The following KHDRBS2 variants were observed in gnomAD, a reference collection of about 807,000 sequenced individuals.
KHDRBS2 encodes KH RNA binding domain containing, signal transduction associated 2, also known as KH domain-containing, RNA-binding, signal transduction-associated protein 2.
KHDRBS2 carries 26 observed loss-of-function variants against 44.3 expected under a neutral mutation model. That is an observed-to-expected ratio of 0.59 (90% CI 0.43 to 0.81). The LOEUF is 0.81. Among genes scored for constraint, KHDRBS2 ranks in the 40% least tolerant of loss-of-function variants. The probability of loss-of-function intolerance (pLI) is 0.00; values close to 1 mark genes in which losing one functional copy is unlikely to be tolerated. For missense variants in KHDRBS2, 476 were observed against 433.1 expected (o/e 1.10, Z -0.88); for synonymous variants, 194 against 151.1 (o/e 1.28, Z -2.08).
intron 1 of KHDRBS2, among the ~76,000 whole-genome samples, chr6:62,240,662 ATGTG>A (rs200082850): frequency 1.1e-5 from 1 of 87,976 alleles, no homozygotes; most frequent in African/African-American, 4.0e-5. Flanking sequence ...GTGTGTATGT[ATGTG>A]TGTGTGTATA....
At chr6:62,085,472 G>GA (rs756985003) in intron 2 of KHDRBS2, among the ~76,000 whole-genome samples, 2 of 151,444 alleles carry the variant, frequency 1.3e-5, no homozygotes, top group African/African-American at 2.4e-5. Context: ...GTGAGTTTCA[G>GA]AAAAAAAAGG....
intron 4 of KHDRBS2, among the ~76,000 whole-genome samples, chr6:61,945,098 AAAAAAAAAAAAAAAGTATATAT>A (rs1812940701): frequency 2.2e-5 from 1 of 45,796 alleles, no homozygotes; most frequent in East Asian, 5.9e-4. Context: ...CTTAAAAAAA[AAAAAAAAAAAAAAAGTATATAT>A]ATATATATAT....
intron 6 of KHDRBS2, among the ~76,000 whole-genome samples, chr6:61,878,414 G>T (rs933800707): frequency 5.3e-5 from 8 of 152,074 alleles, no homozygotes; most frequent in African/African-American, 1.7e-4. Context: ...CAGGTAGATT[G>T]ACCAAGTGGT....
chr6:61,863,259 G>GTT (rs61624926), intron 6 of KHDRBS2, among the ~76,000 whole-genome samples: 2,656 of 134,564 alleles, frequency 0.02, 34 homozygotes, highest in Non-Finnish European at 0.027. Flanking sequence ...TTTTGAAGGG[G>GTT]TTTTTTTTTT....
At chr6:61,864,002 A>G (rs904584687) in intron 6 of KHDRBS2, among the ~76,000 whole-genome samples, 8 of 152,164 alleles carry the variant, frequency 5.3e-5, no homozygotes, top group African/African-American at 1.9e-4. Context: ...TAAGATAGTT[A>G]GGTTTTTTTG....
At chr6:62,128,424 C>G (rs576539676) in intron 2 of KHDRBS2, among the ~76,000 whole-genome samples, 1 of 152,032 alleles carries the variant, frequency 6.6e-6, no homozygotes. Flanking sequence ...ATCATGTAAG[C>G]TTTTTCTCTT....
At position 62,174,011 on chromosome 6, in the gene KHDRBS2, C is replaced by A. The variant is rs115218895; in HGVS notation, c.219+3174G>T. On this transcript the variant is annotated intron_variant, in intron 2 of 8. Transcript: ENST00000281156. ...TTCAAAACCAGAACAGACAGTGACA[C>A]CCTCTCTCACTACTCATATTCAACA... Among the ~76,000 whole-genome samples the A allele has an allele frequency of 4.6e-3, 701 of 151,348 alleles. 7 individuals are homozygous for A. Among genetic ancestry groups the A allele is most frequent in the African/African-American group, 0.016 (666 of 41,028 alleles).
intron 6 of KHDRBS2, among the ~76,000 whole-genome samples, chr6:61,757,156 G>A (rs1778609501): frequency 6.6e-6 from 1 of 152,060 alleles, no homozygotes; most frequent in African/African-American, 2.4e-5. Context: ...GCTTGGTGAA[G>A]TGTTCTATAA....
the KHDRBS2 span, among the ~76,000 whole-genome samples, chr6:61,664,100 C>A: frequency 6.6e-6 from 1 of 151,760 alleles, no homozygotes; most frequent in African/African-American, 2.4e-5. Flanking sequence ...CTTTGTATTT[C>A]AATTGTTTTC....
At chr6:61,973,051 T>C (rs1202541532) in intron 4 of KHDRBS2, among the ~76,000 whole-genome samples, 1 of 152,062 alleles carries the variant, frequency 6.6e-6, no homozygotes, top group Non-Finnish European at 1.5e-5. Flanking sequence ...GGAGAATCAC[T>C]TGAACCTGGG....
At chr6:62,282,996 T>C (rs2150198020) in intron 1 of KHDRBS2, among the ~76,000 whole-genome samples, 1 of 152,248 alleles carries the variant, frequency 6.6e-6, no homozygotes, top group African/African-American at 2.4e-5. Flanking sequence ...GCAGAAAAGA[T>C]ATAAATAAAC....
At chr6:61,544,297 A>C in the KHDRBS2 span, among the ~76,000 whole-genome samples, 1 of 152,120 alleles carries the variant, frequency 6.6e-6, no homozygotes, top group Non-Finnish European at 1.5e-5. Context: ...CAAATTAACT[A>C]GTAGCTTCAA....
At chr6:62,062,489 C>A (rs1384295207) in intron 2 of KHDRBS2, among the ~76,000 whole-genome samples, 1 of 151,966 alleles carries the variant, frequency 6.6e-6, no homozygotes, top group Non-Finnish European at 1.5e-5. Context: ...CAAAGCCGCT[C>A]AGCTACGTGG....
At chr6:61,595,547 C>A in the KHDRBS2 span, among the ~76,000 whole-genome samples, 2 of 151,992 alleles carry the variant, frequency 1.3e-5, no homozygotes, top group Non-Finnish European at 2.9e-5. Context: ...TTCTCTCATA[C>A]ACTTTGCATA....
chr6:61,582,401 C>G, the KHDRBS2 span, among the ~76,000 whole-genome samples: 1 of 145,774 alleles, frequency 6.9e-6, no homozygotes, highest in Non-Finnish European at 1.5e-5. Context: ...TTCCAGAAAA[C>G]TATAAAAATT....
the KHDRBS2 span, among the ~76,000 whole-genome samples, chr6:61,629,117 GA>G: frequency 6.6e-6 from 1 of 152,164 alleles, no homozygotes; most frequent in Non-Finnish European, 1.5e-5. Flanking sequence ...CAATTACAGA[GA>G]AATTCATTTG....
intron 2 of KHDRBS2, among the ~76,000 whole-genome samples, chr6:62,077,801 GA>G (rs1385705238): frequency 6.6e-6 from 1 of 151,994 alleles, no homozygotes; most frequent in African/African-American, 2.4e-5. Flanking sequence ...TAATTAAACT[GA>G]AGGAAAGAAT....
intron 3 of KHDRBS2, among the ~76,000 whole-genome samples, chr6:62,002,051 T>C (rs1368979953): frequency 1.3e-5 from 2 of 152,124 alleles, no homozygotes; most frequent in Non-Finnish European, 2.9e-5. Context: ...CTAATATCTG[T>C]AAAGCTTTTA....
chr6:61,712,334 T>A (rs1444568226), intron 7 of KHDRBS2, among the ~76,000 whole-genome samples: 1 of 151,816 alleles, frequency 6.6e-6, no homozygotes, highest in African/African-American at 2.4e-5. Flanking sequence ...GGGTTGGATA[T>A]TGACAGAGGG....
Sources: gnomAD v4.1 joint callset for allele counts (sites outside exome capture counted in the v4.1 genomes callset) on GRCh38, gnomAD v4.1.1 for gene constraint, MANE v1.5 for transcripts, NCBI Gene and HGNC (gene_info 2026-07-23, HGNC 2026-07-21) for gene names.